Variants in RAB28 observed in about 807,000 individuals in gnomAD.
RAB28 encodes ras-related protein Rab-28.
In RAB28, 24 loss-of-function variants were observed where a neutral mutation model predicts 31.7. That is an observed-to-expected ratio of 0.76 (90% confidence interval 0.55 to 1.06). The LOEUF is 1.06. RAB28 is among the 50% of genes least tolerant of loss of function. The pLI, the probability that RAB28 is intolerant of heterozygous loss-of-function variation, is 0.00. For missense variants in RAB28, 254 were observed against 258.5 expected, an observed-to-expected ratio of 0.98 and a Z score of 0.12; for synonymous variants, 100 against 90.4, an observed-to-expected ratio of 1.11 and a Z score of -0.60.
At chr4:13,394,696 G>C (rs1389093010) in intron 4 of RAB28, among the ~76,000 whole-genome samples, 1 of 152,158 alleles carries the variant, frequency 6.6e-6, no homozygotes, top group African/African-American at 2.4e-5. Flanking sequence ...ATAAGCAAGA[G>C]TGGTACCTAT....
chr4:13,460,854 C>T lies in RAB28; in HGVS notation c.262-26G>A, dbSNP rs567745961. The T allele has an allele frequency of 5.6e-6, 9 of 1,600,582 alleles. No homozygotes were observed. In the Admixed American group the frequency reaches 1.4e-4, roughly 24 times the overall value. On this transcript the variant is annotated intron_variant, in intron 3 of 6. Coordinates refer to ENST00000330852, the MANE Select transcript of RAB28 (RefSeq NM_001017979.3). ...CTGTCACAAAAGAGTTACAAAATAT[C>T]TGTAATGTATTATTTGGTGAAAAAA... is the stretch of plus-strand genomic sequence containing the variant.
chr4:13,427,634 A>AT (rs1713579405), intron 4 of RAB28, among the ~76,000 whole-genome samples: 1 of 152,120 alleles, frequency 6.6e-6, no homozygotes, highest in African/African-American at 2.4e-5. Context: ...CCTTCAGTAT[A>AT]TTTTTTACTA....
chr4:13,381,169 G>A (rs1729112699), intron 5 of RAB28, among the ~76,000 whole-genome samples: 1 of 152,010 alleles, frequency 6.6e-6, no homozygotes, highest in South Asian at 2.1e-4. Flanking sequence ...CCATCTCCTA[G>A]CCACAGGCAG....
At chr4:13,468,349 C>T (rs1314255688) in intron 3 of RAB28, among the ~76,000 whole-genome samples, 1 of 151,912 alleles carries the variant, frequency 6.6e-6, no homozygotes, top group East Asian at 1.9e-4. Context: ...ATAAAATATA[C>T]CTTAATATGT....
chr4:13,391,115 G>A (rs944579108), intron 4 of RAB28, among the ~76,000 whole-genome samples: 1 of 152,154 alleles, frequency 6.6e-6, no homozygotes, highest in Non-Finnish European at 1.5e-5. Context: ...AGAGTGAACA[G>A]GCAACCTGTA....
chr4:13,389,286 G>A (rs958689639), intron 4 of RAB28, among the ~76,000 whole-genome samples: 1 of 152,084 alleles, frequency 6.6e-6, no homozygotes, highest in African/African-American at 2.4e-5. Context: ...TAGAATAGTG[G>A]TTGCCAGGGG....
At chr4:13,451,740 T>C (rs910159409) in intron 4 of RAB28, among the ~76,000 whole-genome samples, 3 of 151,964 alleles carry the variant, frequency 2.0e-5, no homozygotes, top group African/African-American at 7.2e-5. Flanking sequence ...TACATTTTAA[T>C]TGATTTTATA....
Position 13,378,886 on chromosome 4 carries a change from T to C in RAB28, c.496-2264A>G, listed in dbSNP as rs1729020817. Among the ~76,000 whole-genome samples, 5 of 152,058 alleles carry C rather than the reference T, an allele frequency of 3.3e-5. No individual in the cohort carries two copies. In the South Asian group the frequency reaches 1.0e-3, roughly 32 times the overall value. Reference sequence around the variant, plus strand: ...CAGCTGATAGAATAGAGGAGGATAGTTTGAACATTTGAAGAGAGAAGAGAA... The same window carrying C: ...CAGCTGATAGAATAGAGGAGGATAGCTTGAACATTTGAAGAGAGAAGAGAA... On this transcript the variant is annotated intron_variant, in intron 5 of 6. Transcript: ENST00000330852.
intron 4 of RAB28, among the ~76,000 whole-genome samples, chr4:13,418,596 T>C (rs7696761): frequency 0.056 from 8,545 of 152,258 alleles, 555 homozygotes; most frequent in African/African-American, 0.16. Context: ...GGGGCCAATA[T>C]TCAACATTCT....
intron 4 of RAB28, among the ~76,000 whole-genome samples, chr4:13,431,322 T>C (rs1021565725): frequency 1.1e-4 from 16 of 151,972 alleles, no homozygotes; most frequent in South Asian, 2.1e-4. Flanking sequence ...AAGAAGCAAA[T>C]CACATTCCTA....
intron 4 of RAB28, among the ~76,000 whole-genome samples, chr4:13,401,531 TAA>T (rs1176979031): frequency 6.6e-6 from 1 of 152,082 alleles, no homozygotes; most frequent in African/African-American, 2.4e-5. Context: ...AAAATAATTT[TAA>T]AAAAAATTGT....
chr4:13,373,959 A>ATGTG (rs1553864951), intron 6 of RAB28, among the ~76,000 whole-genome samples: 2 of 151,192 alleles, frequency 1.3e-5, no homozygotes, highest in African/African-American at 4.9e-5. Context: ...GTATGTATGT[A>ATGTG]TGTGTGTGTG....
intron 4 of RAB28, among the ~76,000 whole-genome samples, chr4:13,455,566 A>T (rs1245098348): frequency 6.6e-6 from 1 of 152,202 alleles, no homozygotes; most frequent in African/African-American, 2.4e-5. Flanking sequence ...CACACTCCAG[A>T]GGTGGCTCTC....
intron 4 of RAB28, among the ~76,000 whole-genome samples, chr4:13,454,674 T>C (rs893803198): frequency 1.3e-5 from 2 of 152,170 alleles, no homozygotes; most frequent in South Asian, 2.1e-4. Flanking sequence ...AACTTTGCCA[T>C]GGGTGGGCTT....
intron 4 of RAB28, among the ~76,000 whole-genome samples, chr4:13,431,533 G>T (rs1367287039): frequency 6.6e-6 from 1 of 152,048 alleles, no homozygotes; most frequent in Non-Finnish European, 1.5e-5. Flanking sequence ...GCTACCAGAA[G>T]AGCTTAGTGT....
intron 3 of RAB28, among the ~76,000 whole-genome samples, chr4:13,470,886 T>C (rs1577245905): frequency 6.6e-6 from 1 of 152,106 alleles, no homozygotes; most frequent in Non-Finnish European, 1.5e-5. Context: ...CAACAGGCTA[T>C]TGCTAACATT....
chr4:13,370,915 T>C, intron 6 of RAB28: 3 of 965,906 alleles, frequency 3.1e-6, no homozygotes, highest in African/African-American at 1.8e-5. Flanking sequence ...AAAAAGACCA[T>C]ATGTGACAAA....
rs764201671 is a variant in RAB28, at chr4:13,368,530, G to A, written c.*28C>T. On this transcript the variant is annotated 3_prime_UTR_variant, in exon 7 of 7. Coordinates refer to ENST00000330852, the MANE Select transcript of RAB28 (RefSeq NM_001017979.3). ...CCCACCCAGAGGTGAAGGGCAGCCA[G>A]AACTATCAACACAAAAGAAAAATGC... The A allele has an allele frequency of 1.3e-6, 2 of 1,595,296 alleles. No individual in the cohort carries two copies. Among genetic ancestry groups the A allele is most frequent in the Admixed American group, 1.8e-5 (1 of 56,774 alleles).
At chr4:13,401,820 C>T (rs1483826188) in intron 4 of RAB28, among the ~76,000 whole-genome samples, 1 of 152,044 alleles carries the variant, frequency 6.6e-6, no homozygotes, top group Admixed American at 6.5e-5. Context: ...TTTCTGCTCA[C>T]TTGCCTTTCA....
Sources: allele counts gnomAD v4.1 joint callset (sites outside exome capture counted in the v4.1 genomes callset), GRCh38; gene constraint gnomAD v4.1.1; transcripts MANE v1.5; gene names NCBI Gene and HGNC (gene_info 2026-07-23, HGNC 2026-07-21).